Variants in TENM3 observed in about 807,000 individuals in gnomAD.
The protein encoded by TENM3 is teneurin transmembrane protein 3.
A neutral mutation model predicts 255.1 loss-of-function variants in TENM3; 63 were observed. That is an observed-to-expected ratio of 0.25 (90% CI 0.20 to 0.30). TENM3 has a LOEUF of 0.30. Among genes scored for constraint, TENM3 ranks in the 10% least tolerant of loss-of-function variants. TENM3 has a pLI of 1.00. For synonymous variants in TENM3, 1,306 were observed against 1,322.3 expected, an observed-to-expected ratio of 0.99 and a Z score of 0.27; for missense variants, 2,929 against 3,461.1, an observed-to-expected ratio of 0.85 and a Z score of 3.86.
the TENM3 span, among the ~76,000 whole-genome samples, chr4:181,831,423 T>C: frequency 2.6e-5 from 4 of 151,444 alleles, no homozygotes; most frequent in African/African-American, 9.7e-5. Context: ...AATGGTTTAT[T>C]ATTTAATATT....
At chr4:182,086,388 TAAAAAG>T in the TENM3 span, among the ~76,000 whole-genome samples, 7 of 152,120 alleles carry the variant, frequency 4.6e-5, no homozygotes, top group Non-Finnish European at 1.0e-4. Context: ...CTCTTCATAA[TAAAAAG>T]AAAAAGAAAG....
chr4:181,664,099 T>G, the TENM3 span, among the ~76,000 whole-genome samples: 8 of 152,162 alleles, frequency 5.3e-5, no homozygotes, highest in Non-Finnish European at 4.4e-5. Context: ...CTCTACCACA[T>G]ACTAGCTGAA....
chr4:182,629,166 A>G (rs572469632), intron 5 of TENM3, among the ~76,000 whole-genome samples: 13 of 152,206 alleles, frequency 8.5e-5, no homozygotes, highest in Non-Finnish European at 1.6e-4. Context: ...AAACATGGAT[A>G]GCTCTGTGGC....
chr4:182,690,414 T>A lies in TENM3; in HGVS notation c.2221+2063T>A, dbSNP rs1326954580. Among the ~76,000 whole-genome samples, 3 of 152,142 alleles carry A rather than the reference T, an allele frequency of 2.0e-5. No homozygotes were observed. The South Asian group carries it at 6.2e-4, about 32-fold the overall frequency. ...TACAAGGGACAATGCAATACCTCTA[T>A]AACCAAACAGCTCCATGCCCCAGGT... On this transcript the variant is annotated intron_variant, in intron 12 of 27. Coordinates refer to ENST00000511685, the MANE Select transcript of TENM3 (RefSeq NM_001080477.4).
the TENM3 span, among the ~76,000 whole-genome samples, chr4:182,065,642 G>C: frequency 6.6e-6 from 1 of 152,066 alleles, no homozygotes. Context: ...ATTACAATTC[G>C]ACCTGAGATT....
chr4:181,843,543 A>G, the TENM3 span, among the ~76,000 whole-genome samples: 1 of 152,174 alleles, frequency 6.6e-6, no homozygotes, highest in Non-Finnish European at 1.5e-5. Context: ...AGAATGAAGA[A>G]CTTTTTATGA....
At chr4:182,178,514 C>A (rs145571388) in intron 1 of TENM3, among the ~76,000 whole-genome samples, 2 of 152,118 alleles carry the variant, frequency 1.3e-5, no homozygotes, top group Admixed American at 1.3e-4. Context: ...ACTAACACTG[C>A]GTAGAATCTG....
chr4:181,610,830 A>G, the TENM3 span, among the ~76,000 whole-genome samples: 2,907 of 152,248 alleles, frequency 0.019, 37 homozygotes, highest in East Asian at 0.037. Flanking sequence ...AAGAAGTATA[A>G]GAATCACAGG....
the TENM3 span, among the ~76,000 whole-genome samples, chr4:182,131,775 T>A: frequency 1.1e-4 from 17 of 152,260 alleles, no homozygotes; most frequent in Non-Finnish European, 2.4e-4. Context: ...AGGTTCATTA[T>A]TGTTTTGCAA....
chr4:182,430,419 G>T (rs1477753171), intron 3 of TENM3, among the ~76,000 whole-genome samples: 2 of 151,046 alleles, frequency 1.3e-5, no homozygotes, highest in Non-Finnish European at 3.0e-5. Flanking sequence ...GTGGTGGCAG[G>T]CACTTGTTGT....
chr4:182,562,364 A>G (rs761033928), intron 3 of TENM3, among the ~76,000 whole-genome samples: 39 of 152,156 alleles, frequency 2.6e-4, no homozygotes, highest in Non-Finnish European at 5.1e-4. Context: ...TGTCCTCTCA[A>G]ATTTATATGT....
Position 182,775,104 on chromosome 4 carries a change from G to A in TENM3, c.5255G>A (p.Arg1752Gln), listed in dbSNP as rs755116190. The change falls in exon 24 of 28, where the codon CGA becomes CAA. Residue 1752 changes from arginine to glutamine, a missense_variant. Arg to Gln is a conservative substitution (Grantham distance 43). This residue lies in a region of TENM3 where 303 missense variants were observed against 425.2 expected (regional missense o/e 0.71). Transcript: ENST00000511685. ...NGQNLVEWRF[R>Q]KEQAQGKVNV... ...CAAAACTTGGTGGAATGGAGATTCC[G>A]AAAAGAGCAAGCCCAAGGGAAAGTC... 14 of 1,613,876 alleles carry A rather than the reference G, an allele frequency of 8.7e-6. No individual in the cohort carries two copies. The highest frequency in any genetic ancestry group is 4.5e-5 in the East Asian group (2 of 44,876).
chr4:181,567,407 C>G, the TENM3 span, among the ~76,000 whole-genome samples: 1 of 152,064 alleles, frequency 6.6e-6, no homozygotes, highest in Non-Finnish European at 1.5e-5. Flanking sequence ...AAATGTGAAG[C>G]CTAATTAGCA....
At chr4:182,459,414 A>G (rs1774155384) in intron 3 of TENM3, among the ~76,000 whole-genome samples, 1 of 152,198 alleles carries the variant, frequency 6.6e-6, no homozygotes, top group Non-Finnish European at 1.5e-5. Context: ...TAAGGGCTGA[A>G]CCAGAATGGT....
Position 182,285,523 on chromosome 4 carries a change from C to A in TENM3, c.-75-38423C>A, listed in dbSNP as rs145210404. On this transcript the variant is annotated intron_variant, in intron 1 of 27. Transcript: ENST00000511685. ...TTCTCAGCTATCTGGGTAGACGAAA[C>A]CATTTTGAAGCAACACATGAAGACA... Among the ~76,000 whole-genome samples the A allele has an allele frequency of 3.2e-3, 487 of 152,170 alleles. 2 individuals are homozygous for A. The highest frequency in any genetic ancestry group is 0.017 in the Middle Eastern group (5 of 294).
At position 182,705,496 on chromosome 4, in the gene TENM3, C is replaced by T. The variant is rs558296189; in HGVS notation, c.2222-8591C>T. On this transcript the variant is annotated intron_variant, in intron 12 of 27. Transcript: ENST00000511685. Reference sequence around the variant, plus strand: ...CCTCCACCAAGCGCATTGTTGACAGCGGAAACAATGTGAGTTGTTCATAGC... The same window carrying T: ...CCTCCACCAAGCGCATTGTTGACAGTGGAAACAATGTGAGTTGTTCATAGC... Among the ~76,000 whole-genome samples, 18 of 152,248 alleles carry T rather than the reference C, an allele frequency of 1.2e-4. 1 individual carries two copies. The highest frequency in any genetic ancestry group is 3.4e-3 in the Middle Eastern group (1 of 294).
chr4:181,824,612 A>G, the TENM3 span, among the ~76,000 whole-genome samples: 1 of 152,194 alleles, frequency 6.6e-6, no homozygotes, highest in Non-Finnish European at 1.5e-5. Context: ...AAGGTGAAAA[A>G]TGGCTAAATC....
the TENM3 span, among the ~76,000 whole-genome samples, chr4:182,100,836 TATACTC>T: frequency 0.35 from 3,299 of 9,532 alleles, 1,017 homozygotes; most frequent in Middle Eastern, 0.56. Context: ...TATATATATA[TATACTC>T]ATATATATAT....
At chr4:181,803,110 T>A in the TENM3 span, among the ~76,000 whole-genome samples, 1 of 152,174 alleles carries the variant, frequency 6.6e-6, no homozygotes, top group East Asian at 1.9e-4. Flanking sequence ...CTAAAATTGA[T>A]TATTTATGCA....
Sources: allele counts gnomAD v4.1 joint callset (sites outside exome capture counted in the v4.1 genomes callset), GRCh38; gene constraint gnomAD v4.1.1; regional missense constraint gnomAD v4.1.1; transcripts MANE v1.5; gene names NCBI Gene and HGNC (gene_info 2026-07-23, HGNC 2026-07-21).